The following IVD variants were observed in gnomAD, a reference collection of about 807,000 sequenced individuals.
The protein encoded by IVD is isovaleryl-CoA dehydrogenase, mitochondrial.
A neutral mutation model predicts 51.3 loss-of-function variants in IVD; 31 were observed. The observed-to-expected ratio is 0.60, with a 90% CI of 0.45 to 0.81. The LOEUF (loss-of-function observed/expected upper bound fraction) is 0.81. Ranked by LOEUF, IVD falls within the 40% of genes least tolerant of loss-of-function variation. IVD has a pLI of 0.00. For synonymous variants in IVD, 205 were observed against 219.4 expected (o/e 0.93, Z 0.58); for missense variants, 475 against 552.0 (o/e 0.86, Z 1.40).
In IVD at chr15:40,410,678, G is replaced by C. The variant is rs1232893657; in HGVS notation, c.337G>C (p.Glu113Gln). ...LGYLEHVLVMEEISRASGAVG... is the reference protein window; with the variant it reads ...LGYLEHVLVMQEISRASGAVG... ...CTACCTGGAGCATGTGCTGGTGATG[G>C]AGGAGATATCCCGAGCTTCCGGAGC... is the stretch of plus-strand genomic sequence containing the variant. Residue 113 changes from glutamate to glutamine, a missense_variant, in exon 4 of 12, where the codon GAG becomes CAG. Transcript: ENST00000487418. 6.2e-7 allele frequency: 1 copy of C among 1,614,130 alleles called. No homozygotes were observed. Among genetic ancestry groups the C allele is most frequent in the Non-Finnish European group, 8.5e-7 (1 of 1,180,052 alleles).
chr15:40,416,271 C>T lies in IVD; in HGVS notation c.1066-19C>T. The T allele has an allele frequency of 6.2e-7, 1 of 1,614,112 alleles. No homozygotes were observed. Among genetic ancestry groups the T allele is most frequent in the Non-Finnish European group, 8.5e-7 (1 of 1,179,932 alleles). ...TGCGTGCCTCGCAGGGCCCTGCTGACCCCAGCTTCCTCCCGTAGGACTGTG... is the reference window on the plus strand; with the variant it reads ...TGCGTGCCTCGCAGGGCCCTGCTGATCCCAGCTTCCTCCCGTAGGACTGTG... On this transcript the variant is annotated intron_variant, in intron 10 of 11. Coordinates refer to ENST00000487418, the MANE Select transcript of IVD (RefSeq NM_002225.5).
downstream of IVD, among the ~76,000 whole-genome samples, chr15:40,428,181 CAAAAA>C (rs796217209): frequency 1.4e-5 from 1 of 73,536 alleles, no homozygotes; most frequent in African/African-American, 4.7e-5. Flanking sequence ...GACTCCGTGT[CAAAAA>C]AAAAAAAAAA....
chr15:40,434,055 A>G, intron 8 of IVD: 1 of 365,548 alleles, frequency 2.7e-6, no homozygotes, highest in Admixed American at 3.3e-5. Flanking sequence ...ACACCTGAAA[A>G]CCTTCAGGGT....
At chr15:40,422,228 G>T (rs998182153), downstream of IVD, among the ~76,000 whole-genome samples, 1 of 114,480 alleles carries the variant, frequency 8.7e-6, no homozygotes, top group African/African-American at 2.6e-5. Context: ...AGCCAATAAG[G>T]ACATGAAAGG....
At chr15:40,409,628 A>G (rs1286549650) in intron 3 of IVD, among the ~76,000 whole-genome samples, 2 of 152,086 alleles carry the variant, frequency 1.3e-5, no homozygotes, top group African/African-American at 4.8e-5. Flanking sequence ...GGACCTTGCT[A>G]GGCTTGACCC....
downstream of IVD, chr15:40,435,576 C>T (rs898393279): frequency 1.4e-5 from 16 of 1,154,762 alleles, no homozygotes; most frequent in African/African-American, 1.6e-4. Flanking sequence ...TCTTGGATCT[C>T]AGACCAGAAG....
At chr15:40,413,686 TG>T (rs1891337745) in intron 7 of IVD, among the ~76,000 whole-genome samples, 1 of 149,824 alleles carries the variant, frequency 6.7e-6, no homozygotes, top group African/African-American at 2.5e-5. Context: ...TTTTTTTGTT[TG>T]TTTGTTTGTT....
chr15:40,414,975 C>A lies in IVD; in HGVS notation c.871C>A (p.Pro291Thr). 1 of 1,613,690 alleles carries A rather than the reference C, an allele frequency of 6.2e-7. No homozygotes were observed. Among genetic ancestry groups the A allele is most frequent in the Non-Finnish European group, 8.5e-7 (1 of 1,179,912 alleles). Residue 291 changes from proline (P) to threonine (T), a missense_variant, in exon 8 of 12, where the codon CCT becomes ACT. By Grantham distance (38) the Pro-to-Thr change is conservative. Coordinates refer to ENST00000487418, the MANE Select transcript of IVD (RefSeq NM_002225.5). ...GGAGCGGCTGGTGCTGGCCGGGGGG[C>A]CTCTTGGGTAAGTGTGAGAGGCTTG... The part of the protein sequence containing the change: ...DLERLVLAGG[P>T]LGLMQAVLDH...
At chr15:40,430,737 C>T (rs112997914) in intron 7 of IVD, among the ~76,000 whole-genome samples, 191 of 152,248 alleles carry the variant, frequency 1.3e-3, no homozygotes, top group African/African-American at 4.5e-3. Flanking sequence ...GTGCACCCCA[C>T]AGTGGAAACA....
Position 40,420,784 on chromosome 15 carries a change from CA to C in IVD, c.*2526del. On this transcript the variant is annotated 3_prime_UTR_variant, in exon 12 of 12. Coordinates refer to ENST00000487418, the MANE Select transcript of IVD (RefSeq NM_002225.5). ...AACTAGAATCCAGATCTGCTCATGGCAAAAATGGGGGTGTTCTGAGAATTCC... is the reference window on the plus strand; with the variant it reads ...AACTAGAATCCAGATCTGCTCATGGCAAAATGGGGGTGTTCTGAGAATTCC... 1 of 985,590 alleles carries C rather than the reference CA, an allele frequency of 1.0e-6. No homozygotes were observed. Among genetic ancestry groups the C allele is most frequent in the Non-Finnish European group, 1.2e-6 (1 of 830,084 alleles). The allele number at this position is 985,590 out of a possible 1,614,324, so 61.1% of individuals were successfully genotyped here.
At position 40,420,689 on chromosome 15, in the gene IVD, T is replaced by C. The variant is rs1345019884; in HGVS notation, c.*2426T>C. On this transcript the variant is annotated 3_prime_UTR_variant, in exon 12 of 12. Coordinates refer to ENST00000487418, the MANE Select transcript of IVD (RefSeq NM_002225.5). ...GTTCTTACAGCCAGAAGGAAGCTTATAGATTTCTGAAAACCGCCCCTTTGT... is the reference window on the plus strand; with the variant it reads ...GTTCTTACAGCCAGAAGGAAGCTTACAGATTTCTGAAAACCGCCCCTTTGT... 5 of 986,886 alleles carry C rather than the reference T, an allele frequency of 5.1e-6. No homozygotes were observed. In the African/African-American group the frequency reaches 5.2e-5, roughly 10 times the overall value. 61.1% of individuals were successfully genotyped at this position (986,886 alleles called of 1,614,324 possible).
chr15:40,415,463 A>G lies in IVD; in HGVS notation c.941A>G (p.Gln314Arg), dbSNP rs1891564576. 1.2e-6 allele frequency: 2 copies of G among 1,614,066 alleles called. No homozygotes were observed. The highest frequency in any genetic ancestry group is 2.7e-5 in the African/African-American group (2 of 74,950). ...PYLHVREAFGQKIGHFQLMQG... is the reference protein window; with the variant it reads ...PYLHVREAFGRKIGHFQLMQG... Reference sequence around the variant, plus strand: ...CTGCACGTGAGGGAAGCCTTTGGCCAGAAGATCGGCCACTTCCAGGTGAGC... The same window carrying G: ...CTGCACGTGAGGGAAGCCTTTGGCCGGAAGATCGGCCACTTCCAGGTGAGC... Residue 314 changes from glutamine (Q) to arginine (R), a missense_variant, in exon 9 of 12, where the codon CAG (glutamine) becomes CGG (arginine). Transcript: ENST00000487418.
rs565372125 is a variant in IVD, at chr15:40,406,302, C to A, written c.144+331C>A. On this transcript the variant is annotated intron_variant, in intron 1 of 11. Coordinates refer to ENST00000487418, the MANE Select transcript of IVD (RefSeq NM_002225.5). Reference sequence around the variant, plus strand: ...GCCAGGCTACCTACCGCTTGTGGCACAAGGGCCCTCAATCTGTATGTAGTT... The same window carrying A: ...GCCAGGCTACCTACCGCTTGTGGCAAAAGGGCCCTCAATCTGTATGTAGTT... 34 of 1,395,870 alleles carry A rather than the reference C, an allele frequency of 2.4e-5. No homozygotes were observed. The African/African-American group carries it at 4.9e-4, about 20-fold the overall frequency. The allele number at this position is 1,395,870 out of a possible 1,614,324, so 86.5% of individuals were successfully genotyped here.
At position 40,419,024 on chromosome 15, in the gene IVD, A is replaced by G; in HGVS notation, c.*761A>G. 1.6e-6 allele frequency: 1 copy of G among 633,278 alleles called. No homozygotes were observed. Among genetic ancestry groups the G allele is most frequent in the Non-Finnish European group, 2.4e-6 (1 of 415,558 alleles). The allele number at this position is 633,278 out of a possible 1,614,324, so 39.2% of individuals were successfully genotyped here. A position where few individuals can be genotyped will look rare whatever the true frequency, so the allele number is the denominator to read the frequency against. ...GTGGTGGGCACCTGTAATCCCAGCT[A>G]CTTCAGGAGGCTGAGGCAGGAGAAT... is the stretch of plus-strand genomic sequence containing the variant. On this transcript the variant is annotated 3_prime_UTR_variant, in exon 12 of 12. Coordinates refer to ENST00000487418, the MANE Select transcript of IVD (RefSeq NM_002225.5).
In IVD at chr15:40,418,379, G is replaced by A; in HGVS notation, c.*116G>A. On this transcript the variant is annotated 3_prime_UTR_variant, in exon 12 of 12. Coordinates refer to ENST00000487418, the MANE Select transcript of IVD (RefSeq NM_002225.5). ...CCCTCCTGCCCAGCTGCTCTTGTCA[G>A]CCCTCTGGCCTCTGGATGAGGTTGA... 4 of 1,591,010 alleles carry A rather than the reference G, an allele frequency of 2.5e-6. No homozygotes were observed. In the South Asian group the frequency reaches 4.5e-5, roughly 18 times the overall value.
At chr15:40,422,585 C>T (rs1178173508), downstream of IVD, among the ~76,000 whole-genome samples, 2 of 69,140 alleles carry the variant, frequency 2.9e-5, no homozygotes, top group Non-Finnish European at 5.1e-5. Context: ...GCCCGGCCGA[C>T]TTTTTTTTTT....
At chr15:40,408,095 C>G in intron 3 of IVD, 105 bp downstream of exon 3, 3 of 1,054,924 alleles carry the variant, frequency 2.8e-6, no homozygotes, top group Non-Finnish European at 4.4e-6. Context: ...TAAAGAAACC[C>G]AGAACTGCAT....
chr15:40,414,732 T>C, intron 7 of IVD, 157 bp from the exon 8 acceptor site: 2 of 1,333,726 alleles, frequency 1.5e-6, no homozygotes, highest in Non-Finnish European at 2.1e-6. Context: ...GGGGTTCACT[T>C]GATCCTTTTC....
chr15:40,434,206 T>C (rs1346669358), intron 8 of IVD, among the ~76,000 whole-genome samples: 1 of 152,226 alleles, frequency 6.6e-6, no homozygotes, highest in Non-Finnish European at 1.5e-5. Flanking sequence ...GCAAATCTTC[T>C]GATTTTTTTC....
Sources: gnomAD v4.1 joint callset for allele counts (sites outside exome capture counted in the v4.1 genomes callset) on GRCh38, gnomAD v4.1.1 for gene constraint, MANE v1.5 for transcripts, NCBI Gene and HGNC (gene_info 2026-07-23, HGNC 2026-07-21) for gene names.